TMPRSS9: variants seen among roughly 807,000 people sequenced by gnomAD.
The protein encoded by TMPRSS9 is transmembrane serine protease 9.
A neutral mutation model predicts 111.4 loss-of-function variants in TMPRSS9; 113 were observed. The observed-to-expected ratio is 1.01, with a 90% confidence interval of 0.87 to 1.19. The LOEUF (loss-of-function observed/expected upper bound fraction) is 1.19, where lower values mean the gene tolerates loss of function less well. TMPRSS9 is among the 50% of genes most tolerant of loss of function. The pLI is 0.00. For synonymous variants in TMPRSS9, 805 were observed against 659.1 expected (o/e 1.22, Z -3.39); for missense variants, 1,803 against 1,513.1 (o/e 1.19, Z -3.18).
chr19:2,403,090 C>A, exon 6 of TMPRSS9: 1 of 1,609,704 alleles, frequency 6.2e-7, no homozygotes, highest in South Asian at 1.1e-5. Flanking sequence ...AGGCCGCTGT[C>A]CAGGGAACTC....
exon 5 of TMPRSS9, chr19:2,401,988 A>G: frequency 6.2e-7 from 1 of 1,611,442 alleles, no homozygotes; most frequent in Non-Finnish European, 8.5e-7. Context: ...GACATAAGGG[A>G]CCCTTGGCAG....
chr19:2,364,418 G>A (rs934492054), intron 1 of TMPRSS9, among the ~76,000 whole-genome samples: 10 of 152,026 alleles, frequency 6.6e-5, no homozygotes, highest in African/African-American at 2.4e-4. Flanking sequence ...TTCCTTTGTT[G>A]TTGTTGTTTT....
intron 7 of TMPRSS9, among the ~76,000 whole-genome samples, chr19:2,406,159 C>T (rs1469910461): frequency 1.7e-4 from 25 of 150,834 alleles, no homozygotes; most frequent in Non-Finnish European, 2.8e-4. Context: ...TACAGGCGCC[C>T]GCCACCACGC....
At chr19:2,378,835 C>CA (rs1970358622) in intron 1 of TMPRSS9, among the ~76,000 whole-genome samples, 1 of 152,170 alleles carries the variant, frequency 6.6e-6, no homozygotes, top group South Asian at 2.1e-4. Flanking sequence ...GAAGGAGGAG[C>CA]AAACATGTCC....
intron 1 of TMPRSS9, among the ~76,000 whole-genome samples, chr19:2,390,775 C>T (rs1263644449): frequency 6.6e-6 from 1 of 151,676 alleles, no homozygotes; most frequent in Non-Finnish European, 1.5e-5. Context: ...ATCGCTTGAA[C>T]CTGGGAGGCA....
intron 17 of TMPRSS9, 111 bp downstream of exon 18, chr19:2,425,604 T>G: frequency 7.2e-7 from 1 of 1,379,710 alleles, no homozygotes; most frequent in Non-Finnish European, 9.3e-7. Flanking sequence ...TGCAGGCTTC[T>G]CCAGCGGATC....
intron 1 of TMPRSS9, among the ~76,000 whole-genome samples, chr19:2,391,237 CAA>C (rs10650164): frequency 7.5e-5 from 4 of 53,018 alleles, no homozygotes; most frequent in Admixed American, 3.0e-4. Context: ...AATTCCATCT[CAA>C]AAAAAAAAAA....
chr19:2,423,022 A>G (rs1169675697), intron 14 of TMPRSS9, among the ~76,000 whole-genome samples: 2 of 150,900 alleles, frequency 1.3e-5, no homozygotes, highest in African/African-American at 4.9e-5. Flanking sequence ...ATGCCATTAT[A>G]CTCCAGCCTG....
rs142843538 is a variant in TMPRSS9, at chr19:2,402,794, G to A, written c.557-288G>A. On this transcript the variant is annotated intron_variant, in intron 5 of 17. Transcript: ENST00000648592. ...ATAAATAAAATAAATAGCCTGGGTT[G>A]GTGGTGTGCACCTGTGGTCCCAACT... 3.2e-3 allele frequency among the ~76,000 whole-genome samples: 486 copies of A among 152,140 alleles called. 6 individuals carry two copies. The highest frequency in any genetic ancestry group is 0.025 in the Admixed American group (387 of 15,262).
chr19:2,378,404 T>C (rs1184581237), intron 1 of TMPRSS9, among the ~76,000 whole-genome samples: 1 of 152,128 alleles, frequency 6.6e-6, no homozygotes, highest in Non-Finnish European at 1.5e-5. Context: ...ACTGTGTCAG[T>C]CTGTTCTCAT....
intron 14 of TMPRSS9, among the ~76,000 whole-genome samples, chr19:2,422,633 C>A (rs1252554193): frequency 6.6e-6 from 1 of 151,266 alleles, no homozygotes; most frequent in Non-Finnish European, 1.5e-5. Context: ...TGCCTGTAAT[C>A]CCAGCACTTT....
intron 9 of TMPRSS9, among the ~76,000 whole-genome samples, chr19:2,412,902 T>C (rs1182130829): frequency 6.6e-6 from 1 of 152,026 alleles, no homozygotes; most frequent in Non-Finnish European, 1.5e-5. Flanking sequence ...TGTTTAAGAA[T>C]GTAAGAGTCG....
At chr19:2,410,855 C>G (rs1278301241) in intron 9 of TMPRSS9, among the ~76,000 whole-genome samples, 1 of 152,124 alleles carries the variant, frequency 6.6e-6, no homozygotes, top group Admixed American at 6.6e-5. Context: ...ACGTGGCACC[C>G]AAGAAACACC....
At chr19:2,404,659 C>T (rs537156266) in intron 6 of TMPRSS9, among the ~76,000 whole-genome samples, 4 of 150,254 alleles carry the variant, frequency 2.7e-5, no homozygotes, top group East Asian at 2.0e-4. Flanking sequence ...GGCCTGATGC[C>T]GTGGCTCAGG....
chr19:2,424,032 G>GC (rs1971530623), intron 14 of TMPRSS9, 57 bp from the exon 16 acceptor site: 6 of 1,246,000 alleles, frequency 4.8e-6, no homozygotes, highest in Non-Finnish European at 6.0e-6. Flanking sequence ...GCCCAGGGGG[G>GC]CCTTCGTGGA....
At chr19:2,401,190 C>G (rs754534760) in intron 4 of TMPRSS9, among the ~76,000 whole-genome samples, 28 of 152,104 alleles carry the variant, frequency 1.8e-4, no homozygotes, top group Middle Eastern at 3.4e-3. Flanking sequence ...AGGAGAATAG[C>G]GTGAACCCGG....
chr19:2,393,527 T>A (rs1970643495), intron 1 of TMPRSS9, among the ~76,000 whole-genome samples: 3 of 152,184 alleles, frequency 2.0e-5, no homozygotes, highest in Non-Finnish European at 4.4e-5. Context: ...AGCTTCATTC[T>A]TGAAGTCAGT....
chr19:2,374,572 CAAAAAAAGA>C (rs1568169235), intron 1 of TMPRSS9, among the ~76,000 whole-genome samples: 1 of 150,990 alleles, frequency 6.6e-6, no homozygotes, highest in East Asian at 1.9e-4. Flanking sequence ...GACTCCGTCT[CAAAAAAAGA>C]AAAAAAAGAA....
intron 1 of TMPRSS9, among the ~76,000 whole-genome samples, chr19:2,366,518 A>G (rs1048260549): frequency 1.3e-5 from 2 of 152,188 alleles, no homozygotes; most frequent in Non-Finnish European, 2.9e-5. Context: ...GGAGTGATTT[A>G]TCTGGGTGGT....
Sources: gnomAD v4.1 joint callset for allele counts (sites outside exome capture counted in the v4.1 genomes callset) on GRCh38, gnomAD v4.1.1 for gene constraint, MANE v1.5 for transcripts, NCBI Gene and HGNC (gene_info 2026-07-23, HGNC 2026-07-21) for gene names.